Variants in SDK1 observed in about 807,000 individuals in gnomAD.
The protein encoded by SDK1 is protein sidekick-1.
Under a neutral mutation model 245.5 loss-of-function variants are expected in SDK1, and 157 were observed. That is an observed-to-expected ratio of 0.64 (90% confidence interval 0.56 to 0.73). The LOEUF (loss-of-function observed/expected upper bound fraction) is 0.73, where lower values mean the gene tolerates loss of function less well. Among genes scored for constraint, SDK1 ranks in the 30% least tolerant of loss-of-function variants. SDK1 has a pLI of 0.00. For synonymous variants in SDK1, 1,647 were observed against 1,278.5 expected, an observed-to-expected ratio of 1.29 and a Z score of -6.15; for missense variants, 3,583 against 3,002.3, an observed-to-expected ratio of 1.19 and a Z score of -4.52.
chr7:3,720,723 C>G (rs1301019114), intron 4 of SDK1, among the ~76,000 whole-genome samples: 1 of 152,148 alleles, frequency 6.6e-6, no homozygotes, highest in Non-Finnish European at 1.5e-5. Context: ...ACTTTATGAT[C>G]CTTTGCAAGC....
At chr7:4,158,938 C>G (rs138625368) in intron 31 of SDK1, among the ~76,000 whole-genome samples, 1 of 152,234 alleles carries the variant, frequency 6.6e-6, no homozygotes, top group African/African-American at 2.4e-5. Flanking sequence ...GAAGCGAGGT[C>G]TCCTCAGAGC....
intron 4 of SDK1, among the ~76,000 whole-genome samples, chr7:3,682,994 A>C (rs1284587477): frequency 6.6e-6 from 1 of 152,142 alleles, no homozygotes; most frequent in Non-Finnish European, 1.5e-5. Flanking sequence ...TCAGCCTCCC[A>C]AAGTGTTGTG....
intron 4 of SDK1, among the ~76,000 whole-genome samples, chr7:3,816,563 G>T (rs1336426310): frequency 6.6e-6 from 1 of 151,696 alleles, no homozygotes; most frequent in Non-Finnish European, 1.5e-5. Flanking sequence ...TTGAATCTCT[G>T]AATAGACCAA....
intron 1 of SDK1, among the ~76,000 whole-genome samples, chr7:3,570,387 C>G (rs1020701388): frequency 1.3e-5 from 2 of 152,134 alleles, no homozygotes; most frequent in African/African-American, 4.8e-5. Context: ...GGAGGAGTTG[C>G]TCAGGCAGTA....
chr7:3,603,296 G>C (rs1163110809), intron 1 of SDK1, among the ~76,000 whole-genome samples: 1 of 147,628 alleles, frequency 6.8e-6, no homozygotes, highest in Admixed American at 6.9e-5. Context: ...TCACGATATT[G>C]ATTCTTCCTA....
intron 5 of SDK1, among the ~76,000 whole-genome samples, chr7:3,909,362 C>G (rs950621081): frequency 6.6e-6 from 1 of 152,218 alleles, no homozygotes; most frequent in South Asian, 2.1e-4. Context: ...TGTGCAGGCA[C>G]TGCTGTTGGC....
At chr7:3,679,423 C>A (rs371524136) in intron 4 of SDK1, among the ~76,000 whole-genome samples, 1 of 152,194 alleles carries the variant, frequency 6.6e-6, no homozygotes, top group South Asian at 2.1e-4. Context: ...AAAAATTAGC[C>A]GGGCGCGGTG....
intron 1 of SDK1, among the ~76,000 whole-genome samples, chr7:3,537,243 C>T (rs926292896): frequency 6.6e-6 from 1 of 152,176 alleles, no homozygotes. Context: ...GTCTGACTAT[C>T]CCATTATCCA....
intron 4 of SDK1, among the ~76,000 whole-genome samples, chr7:3,686,234 C>T (rs540805687): frequency 6.6e-6 from 1 of 152,294 alleles, no homozygotes; most frequent in East Asian, 1.9e-4. Flanking sequence ...TGCCACCATT[C>T]CCAGCTTATT....
chr7:3,583,493 C>T (rs1477470801), intron 1 of SDK1, among the ~76,000 whole-genome samples: 2 of 152,204 alleles, frequency 1.3e-5, no homozygotes, highest in Admixed American at 6.5e-5. Context: ...TTGGAATCCA[C>T]ATCTGTATTT....
At chr7:3,404,244 C>T (rs745976312) in intron 1 of SDK1, among the ~76,000 whole-genome samples, 8 of 152,028 alleles carry the variant, frequency 5.3e-5, no homozygotes, top group Non-Finnish European at 1.2e-4. Flanking sequence ...ATCTGTGAAG[C>T]ACAAGAAAGC....
At chr7:3,940,507 C>T (rs931469035) in intron 5 of SDK1, among the ~76,000 whole-genome samples, 1 of 152,202 alleles carries the variant, frequency 6.6e-6, no homozygotes, top group Admixed American at 6.5e-5. Context: ...CCCTGGCCAT[C>T]GTTCTCACTG....
chr7:3,582,541 G>C (rs923973117), intron 1 of SDK1, among the ~76,000 whole-genome samples: 1 of 152,088 alleles, frequency 6.6e-6, no homozygotes, highest in Non-Finnish European at 1.5e-5. Flanking sequence ...AGGGTGGAGG[G>C]TGGGAGGAGG....
At chr7:3,704,052 C>G (rs1471289447) in intron 4 of SDK1, among the ~76,000 whole-genome samples, 1 of 152,130 alleles carries the variant, frequency 6.6e-6, no homozygotes, top group Non-Finnish European at 1.5e-5. Context: ...TCTTCCTCCC[C>G]TTTCTGAGTT....
intron 17 of SDK1, among the ~76,000 whole-genome samples, chr7:4,022,023 T>C (rs1473103189): frequency 6.6e-6 from 1 of 152,166 alleles, no homozygotes; most frequent in Non-Finnish European, 1.5e-5. Context: ...TAAATGCTTA[T>C]TTGCTGCTGG....
intron 4 of SDK1, among the ~76,000 whole-genome samples, chr7:3,768,661 A>C (rs144715300): frequency 1.3e-5 from 2 of 152,334 alleles, no homozygotes; most frequent in East Asian, 3.9e-4. Flanking sequence ...AGAAGTTTTC[A>C]CGTGTGCATC....
At chr7:3,316,141 C>G (rs1430253232) in intron 1 of SDK1, among the ~76,000 whole-genome samples, 1 of 152,032 alleles carries the variant, frequency 6.6e-6, no homozygotes, top group Non-Finnish European at 1.5e-5. Context: ...AAAATTAGGA[C>G]TAAATTTAAA....
intron 4 of SDK1, among the ~76,000 whole-genome samples, chr7:3,672,595 A>AT (rs912417329): frequency 7.0e-5 from 10 of 142,136 alleles, no homozygotes; most frequent in African/African-American, 2.6e-4. Context: ...ATATATATAT[A>AT]ATATATATAT....
At chr7:3,304,461 T>G (rs1206822864) in intron 1 of SDK1, among the ~76,000 whole-genome samples, 3 of 152,230 alleles carry the variant, frequency 2.0e-5, no homozygotes, top group Non-Finnish European at 2.9e-5. Context: ...GCTTACTGAT[T>G]CTGGCAGTGT....
Sources: allele counts gnomAD v4.1 joint callset (sites outside exome capture counted in the v4.1 genomes callset), GRCh38; gene constraint gnomAD v4.1.1; transcripts MANE v1.5; gene names NCBI Gene and HGNC (gene_info 2026-07-23, HGNC 2026-07-21).